PCDHA5: variants seen among roughly 807,000 people sequenced by gnomAD.
PCDHA5 encodes protocadherin alpha 5, also known as protocadherin alpha-5.
PCDHA5 carries 43 observed loss-of-function variants against 61.6 expected under a neutral mutation model. The observed-to-expected ratio is 0.70, with a 90% CI of 0.55 to 0.90. The LOEUF is 0.90. Ranked by LOEUF, PCDHA5 falls within the 40% of genes least tolerant of loss-of-function variation. The pLI is 0.00. For missense variants in PCDHA5, 1,298 were observed against 1,222.7 expected (o/e 1.06, Z -0.92); for synonymous variants, 627 against 543.9 (o/e 1.15, Z -2.13).
At chr5:140,870,424 T>C (rs782689834) in intron 1 of PCDHA5, 6 of 1,614,156 alleles carry the variant, frequency 3.7e-6, no homozygotes, top group Non-Finnish European at 5.1e-6. Flanking sequence ...GGCCAGGGTA[T>C]CCGTGGAGGT....
chr5:140,922,581 C>T (rs893700923), intron 1 of PCDHA5, among the ~76,000 whole-genome samples: 2 of 152,104 alleles, frequency 1.3e-5, no homozygotes, highest in Non-Finnish European at 2.9e-5. Context: ...GCCCTGTAGC[C>T]GCCAGTTCTC....
At position 140,871,619 on chromosome 5, in the gene PCDHA5, A is replaced by G. The variant is rs1214249274; in HGVS notation, c.2352+47492A>G. ...ACCAGTGTTTTGAATATTGTTTTAG[A>G]TAACAATGTCTGTTCATAAAATACC... On this transcript the variant is annotated intron_variant, in intron 1 of 3. Coordinates refer to ENST00000529859, the MANE Select transcript of PCDHA5 (RefSeq NM_018908.3). 17 of 1,415,418 alleles carry G rather than the reference A, an allele frequency of 1.2e-5. No individual in the cohort carries two copies. In the Admixed American group the frequency reaches 3.9e-4, roughly 33 times the overall value. The allele number at this position is 1,415,418 out of a possible 1,614,324, so 87.7% of individuals were successfully genotyped here.
At chr5:140,883,308 C>T (rs782669562) in intron 1 of PCDHA5, 2 of 1,614,102 alleles carry the variant, frequency 1.2e-6, no homozygotes, top group South Asian at 1.1e-5. Flanking sequence ...AATGATAACG[C>T]CCCAGAGGTT....
At chr5:140,835,822 G>A (rs2150245895) in intron 1 of PCDHA5, 5 of 1,612,688 alleles carry the variant, frequency 3.1e-6, no homozygotes, top group South Asian at 2.2e-5. Context: ...GTGTCGGCGG[G>A]GGACGCGGAC....
chr5:140,898,965 G>T (rs2067069000), intron 1 of PCDHA5, among the ~76,000 whole-genome samples: 1 of 152,044 alleles, frequency 6.6e-6, no homozygotes, highest in Non-Finnish European at 1.5e-5. Flanking sequence ...GTGAATGGGA[G>T]TTCACTCATG....
chr5:140,839,525 G>A (rs2150298665), intron 1 of PCDHA5, among the ~76,000 whole-genome samples: 9 of 151,898 alleles, frequency 5.9e-5, no homozygotes, highest in Admixed American at 1.3e-4. Context: ...AAGTTGCTGG[G>A]ACTATAGGCA....
In PCDHA5 at chr5:140,828,503, C is replaced by A. The variant is rs1165644843; in HGVS notation, c.2352+4376C>A. ...CCCGCCCTTGTTCCCGGTAGAGGAA[C>A]AAAGAGTGCTGATTTACGAATCTAG... On this transcript the variant is annotated intron_variant, in intron 1 of 3. Transcript: ENST00000529859. The A allele has an allele frequency of 1.9e-6, 3 of 1,614,120 alleles. No individual in the cohort carries two copies. Among genetic ancestry groups the A allele is most frequent in the Admixed American group, 1.7e-5 (1 of 60,002 alleles).
Position 140,828,817 on chromosome 5 carries a change from C to G in PCDHA5, c.2352+4690C>G. On this transcript the variant is annotated intron_variant, in intron 1 of 3. Coordinates refer to ENST00000529859, the MANE Select transcript of PCDHA5 (RefSeq NM_018908.3). ...ATGTGAATGATAATGCTCCCACTTT[C>G]GAACAGTCTGAATACGAAGTAAGAA... 3 of 1,614,148 alleles carry G rather than the reference C, an allele frequency of 1.9e-6. No individual in the cohort carries two copies. The African/African-American group carries it at 4.0e-5, about 22-fold the overall frequency.
At chr5:140,879,878 T>C (rs1462304142) in intron 1 of PCDHA5, among the ~76,000 whole-genome samples, 1 of 152,198 alleles carries the variant, frequency 6.6e-6, no homozygotes, top group Non-Finnish European at 1.5e-5. Context: ...ATGGTCACAT[T>C]GCCTCCTCCT....
At chr5:140,875,465 T>C (rs1466604223) in intron 1 of PCDHA5, 9 of 1,599,572 alleles carry the variant, frequency 5.6e-6, no homozygotes, top group African/African-American at 1.3e-5. Context: ...AGGCCCTCAT[T>C]TTCTGCAATG....
At position 141,010,207 on chromosome 5, in the gene PCDHA5, A is replaced by C; in HGVS notation, c.*270A>C. The C allele has an allele frequency of 6.4e-7, 1 of 1,551,870 alleles. No homozygotes were observed. ...CCAAGTTTCCTTTCTCCTCCGCCGC[A>C]AAGGAGAGGCTTCCCAGCCCCGCCA... On this transcript the variant is annotated 3_prime_UTR_variant, in exon 4 of 4. Transcript: ENST00000529859.
intron 1 of PCDHA5, chr5:140,884,399 T>C (rs1554181524): frequency 6.2e-6 from 10 of 1,613,990 alleles, no homozygotes; most frequent in African/African-American, 4.0e-5. Flanking sequence ...GTCCAGCCTG[T>C]TGGTGCTCAC....
intron 1 of PCDHA5, chr5:140,852,686 T>G: frequency 1.0e-6 from 1 of 969,714 alleles, no homozygotes; most frequent in Non-Finnish European, 1.2e-6. Context: ...TTGAATATAG[T>G]CTTATACTTT....
chr5:140,877,874 C>A, intron 1 of PCDHA5: 1 of 1,477,456 alleles, frequency 6.8e-7, no homozygotes, highest in Non-Finnish European at 9.0e-7. Flanking sequence ...ATATTTGTTT[C>A]CTTGAAGAAC....
intron 1 of PCDHA5, among the ~76,000 whole-genome samples, chr5:140,925,464 A>G (rs1181531744): frequency 6.6e-6 from 1 of 152,114 alleles, no homozygotes; most frequent in Non-Finnish European, 1.5e-5. Flanking sequence ...GTTGTGGCTC[A>G]GAGATGTTTC....
At chr5:140,884,519 T>G in intron 1 of PCDHA5, 1 of 1,614,042 alleles carries the variant, frequency 6.2e-7, no homozygotes, top group Non-Finnish European at 8.5e-7. Context: ...TTGGTCGTAC[T>G]CGCAGCAGAG....
intron 1 of PCDHA5, chr5:140,830,305 G>C: frequency 6.2e-7 from 1 of 1,613,948 alleles, no homozygotes; most frequent in Non-Finnish European, 8.5e-7. Context: ...ACAAGCCCAC[G>C]CTGGTGTGCT....
At chr5:140,926,362 C>G (rs1199629040) in intron 1 of PCDHA5, 4 of 152,268 alleles carry the variant, frequency 2.6e-5, no homozygotes, top group African/African-American at 9.7e-5. Context: ...TCCCAAAGGG[C>G]GGCAGGAAGA....
chr5:140,839,624 T>C (rs1776330895), intron 1 of PCDHA5, among the ~76,000 whole-genome samples: 1 of 152,036 alleles, frequency 6.6e-6, no homozygotes, highest in South Asian at 2.1e-4. Context: ...TCCTGAGATA[T>C]CGAGAAATAC....
Sources: allele counts gnomAD v4.1 joint callset (sites outside exome capture counted in the v4.1 genomes callset), GRCh38; gene constraint gnomAD v4.1.1; transcripts MANE v1.5; gene names NCBI Gene and HGNC (gene_info 2026-07-23, HGNC 2026-07-21).